The following ZGRF1 variants were observed in gnomAD, a reference collection of about 807,000 sequenced individuals.
ZGRF1 encodes the protein zinc finger GRF-type containing 1, also known as 5'-3' DNA helicase ZGRF1.
A neutral mutation model predicts 203.5 loss-of-function variants in ZGRF1; 196 were observed. The ratio of observed to expected loss-of-function variants is 0.96; its 90% CI spans 0.86 to 1.08. ZGRF1 has a LOEUF of 1.08. Ranked by LOEUF, ZGRF1 falls within the 50% of genes least tolerant of loss-of-function variation. ZGRF1 has a pLI of 0.00. For missense variants in ZGRF1, 2,326 were observed against 2,416.3 expected (o/e 0.96, Z 0.78); for synonymous variants, 809 against 841.3 (o/e 0.96, Z 0.66).
chr4:112,564,833 A>G (rs1742699524), intron 16 of ZGRF1, among the ~76,000 whole-genome samples: 1 of 152,232 alleles, frequency 6.6e-6, no homozygotes, highest in Non-Finnish European at 1.5e-5. Context: ...TTCCTGCACA[A>G]AAGTTTCCTT....
intron 7 of ZGRF1, among the ~76,000 whole-genome samples, chr4:112,611,219 A>G (rs1415931666): frequency 6.6e-6 from 1 of 152,086 alleles, no homozygotes; most frequent in African/African-American, 2.4e-5. Flanking sequence ...CCTGGCCAAC[A>G]TGGTGAAACT....
At chr4:112,578,358 A>G (rs1410657916) in intron 16 of ZGRF1, among the ~76,000 whole-genome samples, 2 of 121,600 alleles carry the variant, frequency 1.6e-5, no homozygotes, top group Non-Finnish European at 3.7e-5. Context: ...CACAATTAAA[A>G]GAACTAGAGA....
intron 6 of ZGRF1, among the ~76,000 whole-genome samples, chr4:112,615,353 C>T (rs2046830090): frequency 6.6e-6 from 1 of 151,744 alleles, no homozygotes; most frequent in Non-Finnish European, 1.5e-5. Flanking sequence ...TCAGCCTCCC[C>T]AGTAGCTTAG....
chr4:112,630,286 G>C (rs369106810), intron 3 of ZGRF1, among the ~76,000 whole-genome samples: 53 of 152,322 alleles, frequency 3.5e-4, no homozygotes, highest in African/African-American at 1.2e-3. Flanking sequence ...GGGAGGCCTA[G>C]GGAGGTGGAT....
At chr4:112,581,235 AC>A (rs1169244582) in intron 16 of ZGRF1, among the ~76,000 whole-genome samples, 1 of 137,690 alleles carries the variant, frequency 7.3e-6, no homozygotes, top group Non-Finnish European at 1.5e-5. Context: ...CAATGAGAAC[AC>A]ATGGACACAG....
chr4:112,568,888 C>A (rs751583186), intron 16 of ZGRF1, among the ~76,000 whole-genome samples: 30 of 151,926 alleles, frequency 2.0e-4, no homozygotes, highest in Non-Finnish European at 4.1e-4. Flanking sequence ...GTGGTGTGCG[C>A]CTGTAGTCCC....
chr4:112,557,131 T>C (rs933645626), intron 20 of ZGRF1, among the ~76,000 whole-genome samples: 16 of 152,220 alleles, frequency 1.1e-4, no homozygotes, highest in Non-Finnish European at 1.3e-4. Context: ...GAGACTAATC[T>C]ATAACTACTG....
chr4:112,563,076 C>CT, intron 17 of ZGRF1, 55 bp downstream of exon 17: 1 of 1,452,744 alleles, frequency 6.9e-7, no homozygotes, highest in South Asian at 1.3e-5. Flanking sequence ...AACAGTGCAT[C>CT]TTATGTCTAT....
rs1287605425 is a variant in ZGRF1 at position 112,587,859 on chromosome 4, A to C, written c.3198T>G (p.Val1066=). The stretch of plus-strand genomic sequence containing the variant: ...CAGTACGTGGCAAAGTAATAAGTGG[A>C]ACCTGGGTTCTACTTAATAATGAAA... ...QRLSLLSRTQ[V]PLITLPRTDG... is the part of the protein sequence containing the mutation. The change falls in exon 12 of 28, where the codon GTT becomes GTG. Residue 1066 remains valine (V), a synonymous_variant. Coordinates refer to ENST00000505019, the MANE Select transcript of ZGRF1 (RefSeq NM_018392.5). 6.4e-7 allele frequency: 1 copy of C among 1,551,218 alleles called. No homozygotes were observed. Among genetic ancestry groups the C allele is most frequent in the Non-Finnish European group, 8.7e-7 (1 of 1,146,774 alleles).
In ZGRF1 at chr4:112,560,781, C is replaced by T. The variant is rs1043491872; in HGVS notation, c.4912G>A (p.Glu1638Lys). 10 of 1,604,478 alleles carry T rather than the reference C, an allele frequency of 6.2e-6. No individual in the cohort carries two copies. The highest frequency in any genetic ancestry group is 5.0e-5 in the Admixed American group (3 of 59,872). ...QMMASHESIEEVKELQTHTFP... is the reference protein window; with the variant it reads ...QMMASHESIEKVKELQTHTFP... ...GTATGAGTTTGCAGTTCCTTCACTT[C>T]TTCAATGCTTTCATGTGATGCCATC... Residue 1638 changes from glutamate to lysine, a missense_variant, in exon 19 of 28, where the codon GAA (glutamate) becomes AAA (lysine). Transcript: ENST00000505019.
intron 19 of ZGRF1, among the ~76,000 whole-genome samples, chr4:112,559,486 C>G (rs933550965): frequency 2.6e-5 from 4 of 152,122 alleles, no homozygotes; most frequent in African/African-American, 9.7e-5. Context: ...AGGTGTGAGG[C>G]CAAGCAATGG....
At position 112,586,545 on chromosome 4, in the gene ZGRF1, C is replaced by G; in HGVS notation, c.3816G>C (p.Gln1272His). 6.2e-7 allele frequency: 1 copy of G among 1,613,070 alleles called. No individual in the cohort carries two copies. Residue 1272 changes from glutamine (Q) to histidine (H), a missense_variant, in exon 13 of 28, where the codon CAG (glutamine) becomes CAC (histidine). Coordinates refer to ENST00000505019, the MANE Select transcript of ZGRF1 (RefSeq NM_018392.5). ...GGGGAAGATAAGCAGATTTTATTTT[C>G]TGCCCACTTGGAAAGCACAGCTCAG... ...SGSELCFPSG[Q>H]KIKSAYLPQR...
chr4:112,558,450 CT>C (rs1741359672), intron 19 of ZGRF1, 141 bp from the exon 20 acceptor site: 2 of 601,080 alleles, frequency 3.3e-6, no homozygotes, highest in East Asian at 3.8e-5. Context: ...TCACTGTAAC[CT>C]CCACCTCCCA....
Position 112,539,650 on chromosome 4 carries a change from G to T in ZGRF1, c.6212C>A (p.Pro2071Gln). 1 of 1,605,736 alleles carries T rather than the reference G, an allele frequency of 6.2e-7. No individual in the cohort carries two copies. Among genetic ancestry groups the T allele is most frequent in the Non-Finnish European group, 8.5e-7 (1 of 1,176,510 alleles). ...ATCTTTAAGGAGATGGTTCAGCTGT[G>T]GTTCATACTGGTTTGCATGTTGCAA... ...DGLQHANQYE[P>Q]QLNHLLKDYF... The change falls in exon 28 of 28, where the codon CCA becomes CAA. Residue 2071 changes from proline to glutamine, a missense_variant. Transcript: ENST00000505019.
chr4:112,539,702 T>TA lies in ZGRF1; in HGVS notation c.6173-14dup, dbSNP rs747989955. The TA allele has an allele frequency of 3.3e-5, 53 of 1,589,748 alleles. No homozygotes were observed. Among genetic ancestry groups the TA allele is most frequent in the Non-Finnish European group, 4.4e-5 (51 of 1,169,790 alleles). ...CCATCTTCCCTTCCTTAAAAAAACA[T>TA]ACGACATGAGACAACTATTCTTTAT... On this transcript the variant is annotated splice_polypyrimidine_tract_variant and intron_variant, in intron 27 of 27. Coordinates refer to ENST00000505019, the MANE Select transcript of ZGRF1 (RefSeq NM_018392.5).
chr4:112,596,484 T>G (rs1443570992), intron 10 of ZGRF1, among the ~76,000 whole-genome samples: 1 of 152,064 alleles, frequency 6.6e-6, no homozygotes, highest in Non-Finnish European at 1.5e-5. Context: ...TTTAAAAAGT[T>G]TCATAAGACA....
intron 22 of ZGRF1, 124 bp from the exon 23 acceptor site, chr4:112,548,504 C>A: frequency 1.5e-6 from 1 of 676,782 alleles, no homozygotes. Flanking sequence ...TCCTAGCCAT[C>A]AGAAATCTTA....
At chr4:112,548,090 C>T (rs1024855865) in intron 23 of ZGRF1, among the ~76,000 whole-genome samples, 163 bp downstream of exon 23, 1 of 152,058 alleles carries the variant, frequency 6.6e-6, no homozygotes, top group Non-Finnish European at 1.5e-5. Flanking sequence ...TTTAGGCACA[C>T]ACTACCATGC....
intron 15 of ZGRF1, among the ~76,000 whole-genome samples, chr4:112,583,231 T>G (rs1023373707): frequency 1.3e-5 from 2 of 152,178 alleles, no homozygotes; most frequent in Non-Finnish European, 2.9e-5. Flanking sequence ...AAATAGTCAT[T>G]ATATTTATTT....
Sources: gnomAD v4.1 joint callset for allele counts (sites outside exome capture counted in the v4.1 genomes callset) on GRCh38, gnomAD v4.1.1 for gene constraint, MANE v1.5 for transcripts, NCBI Gene and HGNC (gene_info 2026-07-23, HGNC 2026-07-21) for gene names.